The following SEL1L variants were observed in gnomAD, a reference collection of about 807,000 sequenced individuals.
SEL1L encodes the protein protein sel-1 homolog 1.
Under a neutral mutation model 109.8 loss-of-function variants are expected in SEL1L, and 52 were observed. The observed-to-expected ratio is 0.47, with a 90% CI of 0.38 to 0.60. SEL1L has a LOEUF of 0.60. Among genes scored for constraint, SEL1L ranks in the 20% least tolerant of loss-of-function variants. SEL1L has a pLI of 0.00. For synonymous variants in SEL1L, 373 were observed against 339.6 expected (o/e 1.10, Z -1.08); for missense variants, 749 against 962.2 (o/e 0.78, Z 2.93).
At chr14:81,510,761 T>G (rs930388066) in intron 3 of SEL1L, among the ~76,000 whole-genome samples, 2 of 152,088 alleles carry the variant, frequency 1.3e-5, no homozygotes, top group Non-Finnish European at 2.9e-5. Context: ...CATAGAGTAC[T>G]AAGTAGCATA....
intron 1 of SEL1L, among the ~76,000 whole-genome samples, chr14:81,528,762 T>C (rs1157131893): frequency 6.6e-6 from 1 of 152,198 alleles, no homozygotes; most frequent in Admixed American, 6.5e-5. Flanking sequence ...CATTTTTTAC[T>C]AGAAAATTTG....
intron 10 of SEL1L, among the ~76,000 whole-genome samples, chr14:81,496,445 G>A (rs1011074800): frequency 1.3e-5 from 2 of 152,244 alleles, no homozygotes; most frequent in Non-Finnish European, 2.9e-5. Context: ...GATACAGTAA[G>A]AAATAAAGAG....
At chr14:81,484,546 GT>G in intron 18 of SEL1L, 149 bp from the exon 19 acceptor site, 1 of 703,402 alleles carries the variant, frequency 1.4e-6, no homozygotes, top group Non-Finnish European at 2.2e-6. Flanking sequence ...TTTCAGCCAA[GT>G]TATAAAGTCC....
chr14:81,517,298 G>A (rs955472019), intron 3 of SEL1L, among the ~76,000 whole-genome samples: 1 of 152,202 alleles, frequency 6.6e-6, no homozygotes, highest in Non-Finnish European at 1.5e-5. Context: ...TGTATTGCAG[G>A]TGAGGCCTGT....
Position 81,506,654 on chromosome 14 carries a change from C to A in SEL1L, c.341-413G>T, listed in dbSNP as rs907183964. 6.6e-4 allele frequency among the ~76,000 whole-genome samples: 101 copies of A among 152,152 alleles called. 7 individuals are homozygous for A. The highest frequency in any genetic ancestry group is 1.3e-4 in the Non-Finnish European group (9 of 68,028). ...AATACAGAGTTACAAAGGGCAAATG[C>A]TCCCCCCAAGGCAAAGCTAACCACT... On this transcript the variant is annotated intron_variant, in intron 3 of 20. Transcript: ENST00000336735.
chr14:81,500,810 C>T (rs941023928), intron 6 of SEL1L, among the ~76,000 whole-genome samples: 1 of 152,142 alleles, frequency 6.6e-6, no homozygotes, highest in Admixed American at 6.5e-5. Flanking sequence ...AAAAAGGCTG[C>T]TCTACAATGT....
At chr14:81,519,745 GA>G (rs148561844) in intron 3 of SEL1L, among the ~76,000 whole-genome samples, 11,806 of 152,202 alleles carry the variant, frequency 0.078, 1,441 homozygotes, top group African/African-American at 0.26. Flanking sequence ...TCAGAAAGGA[GA>G]AAACCTACAT....
chr14:81,473,237 T>C lies in SEL1L; in HGVS notation c.*3735A>G, dbSNP rs563788755. ...GTGTCAGCCTGTTTCTCAAACCAAA[T>C]AGGAAAAACAGCATGTGAGATGATT... On this transcript the variant is annotated 3_prime_UTR_variant, in exon 21 of 21. Transcript: ENST00000336735. 20 of 152,298 alleles carry C rather than the reference T, an allele frequency of 1.3e-4. No individual in the cohort carries two copies. The highest frequency in any genetic ancestry group is 4.1e-4 in the African/African-American group (17 of 41,562). The allele number at this position is 152,298 out of a possible 1,614,324, so 9.4% of individuals were successfully genotyped here.
chr14:81,527,120 G>A (rs76048425), intron 2 of SEL1L, among the ~76,000 whole-genome samples, 156 bp from the exon 3 acceptor site: 2,095 of 152,206 alleles, frequency 0.014, 51 homozygotes, highest in African/African-American at 0.047. Context: ...TGTCCATCAC[G>A]TGCCTTCCTT....
chr14:81,486,092 C>T (rs1358979214), intron 17 of SEL1L, among the ~76,000 whole-genome samples, 197 bp downstream of exon 17: 1 of 152,148 alleles, frequency 6.6e-6, no homozygotes, highest in Non-Finnish European at 1.5e-5. Context: ...ATGTCAAATC[C>T]ATTTCTACAG....
At chr14:81,527,940 T>C (rs1215044369) in intron 1 of SEL1L, among the ~76,000 whole-genome samples, 2 of 152,108 alleles carry the variant, frequency 1.3e-5, no homozygotes, top group Non-Finnish European at 2.9e-5. Flanking sequence ...GGGGGTTTAG[T>C]TTCTCTCTTT....
chr14:81,477,256 GAAGT>G lies in SEL1L; in HGVS notation c.2176-79_2176-76del, dbSNP rs890622447. On this transcript the variant is annotated intron_variant, in intron 20 of 20. Transcript: ENST00000336735. The stretch of plus-strand genomic sequence containing the variant: ...AGGAACTGGGAAAGTTACATCACCA[GAAGT>G]AAGTACAGAAATTAAAATAATTTGT... 63 of 1,167,636 alleles carry G rather than the reference GAAGT, an allele frequency of 5.4e-5. No individual in the cohort carries two copies. In the African/African-American group the frequency reaches 6.4e-4, roughly 12 times the overall value. The allele number at this position is 1,167,636 out of a possible 1,614,324, so 72.3% of individuals were successfully genotyped here. A position where few individuals can be genotyped will look rare whatever the true frequency, so the allele number is the denominator to read the frequency against.
In SEL1L at chr14:81,502,641, G is replaced by A. The variant is rs1301841359; in HGVS notation, c.777+80C>T. ...CTTCCAGTCTGACTTTTTAAAAGAA[G>A]TCAGGACATAGAGAGTAAACTGCTT... On this transcript the variant is annotated intron_variant, in intron 6 of 20. Transcript: ENST00000336735. 4 of 1,366,604 alleles carry A rather than the reference G, an allele frequency of 2.9e-6. No homozygotes were observed. The East Asian group carries it at 9.6e-5, about 33-fold the overall frequency. The allele number at this position is 1,366,604 out of a possible 1,614,324, so 84.7% of individuals were successfully genotyped here.
rs1595497066 is a variant in SEL1L, at chr14:81,474,181, G to A, written c.*2791C>T. 1 of 149,808 alleles carries A rather than the reference G, an allele frequency of 6.7e-6. No homozygotes were observed. The highest frequency in any genetic ancestry group is 6.6e-5 in the Admixed American group (1 of 15,072). The allele number at this position is 149,808 out of a possible 1,614,324, so 9.3% of individuals were successfully genotyped here. ...TTTGATTTACTTTTTCTTTGCCATT[G>A]ACTGCTAATCAAAAATAAGCCTTAC... On this transcript the variant is annotated 3_prime_UTR_variant, in exon 21 of 21. Transcript: ENST00000336735.
chr14:81,518,568 G>A (rs1257054670), intron 3 of SEL1L, among the ~76,000 whole-genome samples: 1 of 150,202 alleles, frequency 6.7e-6, no homozygotes, highest in Non-Finnish European at 1.5e-5. Flanking sequence ...ACTGAGGCAG[G>A]AGAATCGCTT....
intron 1 of SEL1L, among the ~76,000 whole-genome samples, chr14:81,532,393 G>A (rs532081052): frequency 3.9e-5 from 6 of 152,336 alleles, no homozygotes; most frequent in South Asian, 2.1e-4. Context: ...TACTCATTAA[G>A]CTCAACAGCT....
chr14:81,519,482 T>C (rs1193590937), intron 3 of SEL1L, among the ~76,000 whole-genome samples: 2 of 152,222 alleles, frequency 1.3e-5, no homozygotes, highest in Admixed American at 6.5e-5. Flanking sequence ...AGGGCAAGTT[T>C]GGTGGGAGTC....
intron 3 of SEL1L, among the ~76,000 whole-genome samples, chr14:81,516,405 T>C (rs923165328): frequency 6.6e-6 from 1 of 152,214 alleles, no homozygotes; most frequent in African/African-American, 2.4e-5. Context: ...CTTTGCTCTT[T>C]TCACATGCCT....
chr14:81,484,990 C>A (rs919903489), intron 18 of SEL1L, among the ~76,000 whole-genome samples: 4 of 152,084 alleles, frequency 2.6e-5, no homozygotes, highest in African/African-American at 9.7e-5. Flanking sequence ...GAGAAGGGAA[C>A]AGGCAGAGAA....
Sources: gnomAD v4.1 joint callset for allele counts (sites outside exome capture counted in the v4.1 genomes callset) on GRCh38, gnomAD v4.1.1 for gene constraint, MANE v1.5 for transcripts, NCBI Gene and HGNC (gene_info 2026-07-23, HGNC 2026-07-21) for gene names.